The following THSD7A variants were observed in gnomAD, a reference collection of about 807,000 sequenced individuals.
THSD7A encodes the protein thrombospondin type-1 domain-containing protein 7A.
THSD7A carries 96 observed loss-of-function variants against 231.3 expected under a neutral mutation model. That is an observed-to-expected ratio of 0.41 (90% confidence interval 0.35 to 0.49). The LOEUF (loss-of-function observed/expected upper bound fraction) is 0.49. THSD7A is among the 20% of genes least tolerant of loss of function. The probability of loss-of-function intolerance (pLI) is 0.05; values close to 1 mark genes in which losing one functional copy is unlikely to be tolerated. For synonymous variants in THSD7A, 940 were observed against 743.3 expected (o/e 1.26, Z -4.30); for missense variants, 2,290 against 2,070.2 (o/e 1.11, Z -2.06).
At chr7:11,473,313 C>A (rs1786011985) in intron 8 of THSD7A, among the ~76,000 whole-genome samples, 1 of 152,010 alleles carries the variant, frequency 6.6e-6, no homozygotes, top group African/African-American at 2.4e-5. Flanking sequence ...AAGAAAAAGA[C>A]CAATTTCTAA....
At chr7:11,480,014 G>T (rs1413229935) in intron 7 of THSD7A, among the ~76,000 whole-genome samples, 1 of 152,022 alleles carries the variant, frequency 6.6e-6, no homozygotes, top group African/African-American at 2.4e-5. Flanking sequence ...TCCATATATT[G>T]ATACATCACA....
chr7:11,821,058 T>C (rs2128187066), intron 1 of THSD7A: 1 of 989,794 alleles, frequency 1.0e-6, no homozygotes, highest in South Asian at 1.4e-5. Context: ...AGCCAAACCA[T>C]GTTTTATGAA....
intron 2 of THSD7A, among the ~76,000 whole-genome samples, chr7:11,609,978 C>T (rs1051393547): frequency 1.3e-5 from 2 of 151,908 alleles, no homozygotes; most frequent in Non-Finnish European, 2.9e-5. Context: ...TTCCATTTTC[C>T]ATTTTATAAC....
intron 11 of THSD7A, among the ~76,000 whole-genome samples, chr7:11,451,077 A>G (rs997732260): frequency 2.0e-5 from 3 of 152,192 alleles, no homozygotes; most frequent in Admixed American, 1.3e-4. Context: ...TGTGGGTTAC[A>G]TATGAATCAA....
intron 23 of THSD7A, among the ~76,000 whole-genome samples, chr7:11,399,736 C>T (rs1033087163): frequency 2.6e-5 from 4 of 152,246 alleles, no homozygotes; most frequent in East Asian, 3.9e-4. Flanking sequence ...GTTCAGCTAT[C>T]GTGGAAGACA....
chr7:11,746,205 T>C (rs543871967), intron 1 of THSD7A, among the ~76,000 whole-genome samples: 11 of 152,070 alleles, frequency 7.2e-5, no homozygotes, highest in Admixed American at 4.6e-4. Flanking sequence ...ACATTTATTT[T>C]GGAATAATTA....
In THSD7A at chr7:11,464,589, C is replaced by T. The variant is rs552895285; in HGVS notation, c.2369-2446G>A. ...CTGAAACATTCTCCTAATGCCTTCT[C>T]ATCACAAACTCCACAAATTAGTACT... On this transcript the variant is annotated intron_variant, in intron 9 of 27. Coordinates refer to ENST00000423059, the MANE Select transcript of THSD7A (RefSeq NM_015204.3). Among the ~76,000 whole-genome samples the T allele has an allele frequency of 1.3e-3, 196 of 152,250 alleles. 1 individual carries two copies. The highest frequency in any genetic ancestry group is 0.01 in the Middle Eastern group (3 of 294).
At chr7:11,668,109 TC>T (rs1783218858) in intron 1 of THSD7A, among the ~76,000 whole-genome samples, 1 of 148,140 alleles carries the variant, frequency 6.8e-6, no homozygotes, top group Admixed American at 6.9e-5. Context: ...CTCTTTTTAC[TC>T]TGGATGTGAA....
At chr7:11,667,086 C>T (rs905873679) in intron 1 of THSD7A, among the ~76,000 whole-genome samples, 3 of 151,868 alleles carry the variant, frequency 2.0e-5, no homozygotes, top group African/African-American at 7.3e-5. Flanking sequence ...TTTGGGGGTA[C>T]AGGTGGTTTT....
In THSD7A at chr7:11,411,882, T is replaced by C. The variant is rs1368801348; in HGVS notation, c.3683-560A>G. On this transcript the variant is annotated intron_variant, in intron 18 of 27. Transcript: ENST00000423059. This position sits in a 1 kb window ranked among gnomAD's most constrained non-coding sequence, Gnocchi z 4.1. ...AAGACACCTCTTTCCCTGGGTAACA[T>C]AGCACATCCCAGATAACTGTGATTT... Among the ~76,000 whole-genome samples the C allele has an allele frequency of 2.0e-5, 3 of 151,092 alleles. No individual in the cohort carries two copies. Among genetic ancestry groups the C allele is most frequent in the East Asian group, 1.9e-4 (1 of 5,162 alleles).
chr7:11,815,239 T>C (rs575966820), intron 1 of THSD7A, among the ~76,000 whole-genome samples: 3 of 151,624 alleles, frequency 2.0e-5, no homozygotes, highest in Non-Finnish European at 4.4e-5. Flanking sequence ...CCAACGGTAT[T>C]GTCCTTTATG....
chr7:11,375,986 C>T (rs533104175), intron 27 of THSD7A, 108 bp from the exon 28 acceptor site: 6 of 863,258 alleles, frequency 7.0e-6, no homozygotes, highest in East Asian at 2.5e-5. Flanking sequence ...GAAATTGCCT[C>T]GTTGCCTGCG....
At chr7:11,603,139 G>A (rs1281443572) in intron 2 of THSD7A, among the ~76,000 whole-genome samples, 4 of 151,406 alleles carry the variant, frequency 2.6e-5, no homozygotes, top group African/African-American at 9.7e-5. Flanking sequence ...CTGACAAAGG[G>A]CTAATATCCA....
intron 2 of THSD7A, among the ~76,000 whole-genome samples, chr7:11,619,616 C>T (rs560151892): frequency 1.3e-5 from 2 of 151,806 alleles, no homozygotes; most frequent in South Asian, 4.2e-4. Flanking sequence ...AGATAGAGGC[C>T]TCAGTATCTT....
At chr7:11,562,481 T>C (rs1790115955) in intron 4 of THSD7A, among the ~76,000 whole-genome samples, 1 of 152,068 alleles carries the variant, frequency 6.6e-6, no homozygotes, top group Non-Finnish European at 1.5e-5. Flanking sequence ...TCCTGATACG[T>C]ATTTTTTTTT....
At chr7:11,413,398 C>T (rs1018647871) in intron 17 of THSD7A, among the ~76,000 whole-genome samples, 5 of 151,920 alleles carry the variant, frequency 3.3e-5, no homozygotes, top group Admixed American at 6.6e-5. Flanking sequence ...GGCCTTTAGG[C>T]GTTCTTCCGT....
At position 11,540,650 on chromosome 7, in the gene THSD7A, T is replaced by C. The variant is rs117714317; in HGVS notation, c.1822+769A>G. On this transcript the variant is annotated intron_variant, in intron 6 of 27. Transcript: ENST00000423059. ...TTAAAGTATGTCTGGGGGAGTCTTG[T>C]GGTTTTCAAGTGTGACTCAGGGATG... Among the ~76,000 whole-genome samples the C allele has an allele frequency of 1.4e-3, 213 of 152,284 alleles. 1 individual carries two copies. Among genetic ancestry groups the C allele is most frequent in the Non-Finnish European group, 2.0e-3 (136 of 68,016 alleles).
chr7:11,397,738 C>T (rs6954067), intron 23 of THSD7A, among the ~76,000 whole-genome samples: 4,334 of 152,026 alleles, frequency 0.029, 196 homozygotes, highest in African/African-American at 0.094. Context: ...AAAAAGTGGG[C>T]GAAGAATATG....
At chr7:11,772,950 A>T (rs555840941) in intron 1 of THSD7A, among the ~76,000 whole-genome samples, 27 of 152,190 alleles carry the variant, frequency 1.8e-4, no homozygotes, top group Non-Finnish European at 3.4e-4. Context: ...ATGGTGACAA[A>T]ATGTGTTTTT....
Sources: gnomAD v4.1 joint callset for allele counts (sites outside exome capture counted in the v4.1 genomes callset) on GRCh38, gnomAD v4.1.1 for gene constraint, Gnocchi (gnomAD v3.1) non-coding constraint, MANE v1.5 for transcripts, NCBI Gene and HGNC (gene_info 2026-07-23, HGNC 2026-07-21) for gene names.